OPCML: variants seen among roughly 807,000 people sequenced by gnomAD.
OPCML encodes the protein opioid binding protein/cell adhesion molecule like.
Under a neutral mutation model 37.8 loss-of-function variants are expected in OPCML, and 13 were observed. The ratio of observed to expected loss-of-function variants is 0.34; its 90% CI spans 0.22 to 0.55. OPCML has a LOEUF of 0.55. Ranked by LOEUF, OPCML falls within the 20% of genes least tolerant of loss-of-function variation. The pLI, the probability that OPCML is intolerant of heterozygous loss-of-function variation, is 0.91. For missense variants in OPCML, 341 were observed against 435.6 expected, an observed-to-expected ratio of 0.78 and a Z score of 1.93; for synonymous variants, 176 against 168.8, an observed-to-expected ratio of 1.04 and a Z score of -0.33.
At chr11:133,149,992 C>T (rs1026653797) in intron 1 of OPCML, among the ~76,000 whole-genome samples, 12 of 152,202 alleles carry the variant, frequency 7.9e-5, no homozygotes, top group African/African-American at 2.4e-4. Context: ...CCCAGAACTC[C>T]GTCCCTGCCT....
chr11:132,890,295 C>T (rs958225273), intron 2 of OPCML, among the ~76,000 whole-genome samples: 2 of 152,168 alleles, frequency 1.3e-5, no homozygotes, highest in African/African-American at 4.8e-5. Flanking sequence ...CCCTCCAAAT[C>T]TCACTGCTCA....
chr11:133,171,841 G>A (rs1950292785), intron 1 of OPCML, among the ~76,000 whole-genome samples: 2 of 152,200 alleles, frequency 1.3e-5, no homozygotes, highest in African/African-American at 4.8e-5. Flanking sequence ...AACCTCCTTA[G>A]GGGAGAGAAG....
intron 2 of OPCML, among the ~76,000 whole-genome samples, chr11:132,724,234 T>C (rs953927638): frequency 3.3e-5 from 5 of 152,082 alleles, no homozygotes; most frequent in Non-Finnish European, 4.4e-5. Flanking sequence ...AAGGACACCC[T>C]GGAAGAGAGA....
At chr11:133,329,833 C>G (rs1233220776) in intron 1 of OPCML, among the ~76,000 whole-genome samples, 1 of 152,124 alleles carries the variant, frequency 6.6e-6, no homozygotes, top group Non-Finnish European at 1.5e-5. Context: ...CTAAAATTGA[C>G]AAATGAGATC....
intron 1 of OPCML, among the ~76,000 whole-genome samples, chr11:133,222,924 G>C (rs185716833): frequency 6.6e-6 from 1 of 152,192 alleles, no homozygotes; most frequent in East Asian, 1.9e-4. Context: ...AGAAGTACCC[G>C]ATTAGCCCTC....
intron 4 of OPCML, among the ~76,000 whole-genome samples, chr11:132,455,941 C>CCT (rs1388672629): frequency 1.3e-5 from 2 of 151,920 alleles, no homozygotes; most frequent in African/African-American, 2.4e-5. Context: ...GTAGTGGAAT[C>CCT]CTCTCTCTCT....
intron 2 of OPCML, among the ~76,000 whole-genome samples, chr11:132,766,871 G>A (rs1946462693): frequency 6.6e-6 from 1 of 152,138 alleles, no homozygotes; most frequent in Non-Finnish European, 1.5e-5. Context: ...ATATGATGTT[G>A]TATAAACGTT....
Position 133,208,984 on chromosome 11 carries a change from T to G in OPCML, c.62-265974A>C, listed in dbSNP as rs765726710. On this transcript the variant is annotated intron_variant, in intron 1 of 7. Coordinates refer to ENST00000524381, the MANE Select transcript of OPCML (RefSeq NM_001012393.5). The surrounding 1 kb of genome is among the most constrained non-coding windows in gnomAD (Gnocchi z 8.9). ...AATAAAAAAATTACCTGAAATGCTG[T>G]CCTACATTCTCTTCACATGACCAAT... Among the ~76,000 whole-genome samples the G allele has an allele frequency of 6.6e-6, 1 of 152,194 alleles. No homozygotes were observed. Among genetic ancestry groups the G allele is most frequent in the Non-Finnish European group, 1.5e-5 (1 of 68,044 alleles).
intron 1 of OPCML, among the ~76,000 whole-genome samples, chr11:133,122,465 T>C (rs978369307): frequency 4.6e-5 from 7 of 152,106 alleles, no homozygotes; most frequent in African/African-American, 1.4e-4. Flanking sequence ...AGCATGGAAG[T>C]TGTCAGGCAC....
At chr11:133,419,319 G>T in intron 1 of OPCML, 1 of 985,388 alleles carries the variant, frequency 1.0e-6, no homozygotes, top group Non-Finnish European at 1.2e-6. Flanking sequence ...CTGGAAAATA[G>T]GCATGAATCT....
intron 1 of OPCML, among the ~76,000 whole-genome samples, chr11:133,269,294 A>G (rs567175955): frequency 5.9e-5 from 9 of 152,228 alleles, no homozygotes; most frequent in Non-Finnish European, 1.2e-4. Flanking sequence ...AGTGAAACAA[A>G]CAAACAAACA....
intron 2 of OPCML, among the ~76,000 whole-genome samples, chr11:132,778,501 A>G (rs1045597680): frequency 8.5e-5 from 13 of 152,254 alleles, no homozygotes; most frequent in Admixed American, 1.3e-4. Context: ...ATTTACTGTT[A>G]TATAAAGAGG....
chr11:132,724,740 T>C (rs1944812918), intron 2 of OPCML, among the ~76,000 whole-genome samples: 1 of 152,048 alleles, frequency 6.6e-6, no homozygotes, highest in South Asian at 2.1e-4. Context: ...CTAGATACAA[T>C]GGGGGTACAG....
At chr11:133,234,393 G>A (rs1205436470) in intron 1 of OPCML, among the ~76,000 whole-genome samples, 1 of 152,210 alleles carries the variant, frequency 6.6e-6, no homozygotes, top group East Asian at 1.9e-4. Flanking sequence ...ACAGCAGTCA[G>A]TACAAACTTG....
At chr11:133,380,293 G>A (rs1196695185) in intron 1 of OPCML, among the ~76,000 whole-genome samples, 2 of 152,194 alleles carry the variant, frequency 1.3e-5, no homozygotes, top group African/African-American at 2.4e-5. Context: ...AGGCCTCAGA[G>A]CAGGACAAAT....
intron 1 of OPCML, among the ~76,000 whole-genome samples, chr11:133,367,348 G>T (rs1050787466): frequency 6.6e-6 from 1 of 152,068 alleles, no homozygotes; most frequent in Admixed American, 6.5e-5. Context: ...TGCTCCAACC[G>T]CCATCTCCTA....
At chr11:132,921,546 CA>C (rs1321338299) in intron 2 of OPCML, among the ~76,000 whole-genome samples, 1 of 152,172 alleles carries the variant, frequency 6.6e-6, no homozygotes, top group Non-Finnish European at 1.5e-5. Flanking sequence ...ATCCTTCATC[CA>C]AGTATGGGTA....
intron 1 of OPCML, chr11:133,420,647 A>T (rs1434811807): frequency 1.2e-5 from 12 of 985,268 alleles, no homozygotes; most frequent in Non-Finnish European, 1.4e-5. Context: ...TGGAGGCTTT[A>T]AGAAGTTTTG....
intron 2 of OPCML, among the ~76,000 whole-genome samples, chr11:132,825,867 G>A (rs551638743): frequency 1.1e-4 from 16 of 152,286 alleles, no homozygotes; most frequent in Admixed American, 4.6e-4. Flanking sequence ...CCCCTGGGCC[G>A]ATGGGGTCAC....
Sources: gnomAD v4.1 joint callset for allele counts (sites outside exome capture counted in the v4.1 genomes callset) on GRCh38, gnomAD v4.1.1 for gene constraint, Gnocchi (gnomAD v3.1) non-coding constraint, MANE v1.5 for transcripts, NCBI Gene and HGNC (gene_info 2026-07-23, HGNC 2026-07-21) for gene names.